TRPC4AP: variants seen among roughly 807,000 people sequenced by gnomAD.
TRPC4AP encodes the protein transient receptor potential cation channel subfamily C member 4 associated protein, also known as short transient receptor potential channel 4-associated protein.
In TRPC4AP, 45 loss-of-function variants were observed where a neutral mutation model predicts 99.0. The observed-to-expected ratio is 0.45, with a 90% CI of 0.36 to 0.58. TRPC4AP has a LOEUF of 0.58. Among genes scored for constraint, TRPC4AP ranks in the 20% least tolerant of loss-of-function variants. The pLI is 0.00. For synonymous variants in TRPC4AP, 408 were observed against 385.8 expected (o/e 1.06, Z -0.67); for missense variants, 879 against 985.3 (o/e 0.89, Z 1.44).
intron 3 of TRPC4AP, among the ~76,000 whole-genome samples, chr20:35,059,058 C>T (rs2083912454): frequency 6.6e-6 from 1 of 151,860 alleles, no homozygotes; most frequent in African/African-American, 2.4e-5. Flanking sequence ...CAGACTAAAC[C>T]CAAAGCAAGC....
chr20:35,088,703 G>A (rs2084955329), intron 1 of TRPC4AP, among the ~76,000 whole-genome samples: 1 of 152,064 alleles, frequency 6.6e-6, no homozygotes, highest in South Asian at 2.1e-4. Context: ...ACTTAATCTT[G>A]GTCACCCTGC....
chr20:35,082,723 A>G (rs1262900218), intron 1 of TRPC4AP, among the ~76,000 whole-genome samples: 1 of 152,264 alleles, frequency 6.6e-6, no homozygotes, highest in Non-Finnish European at 1.5e-5. Context: ...TAATATTTGA[A>G]AATTTTATTC....
intron 9 of TRPC4AP, among the ~76,000 whole-genome samples, chr20:35,018,781 G>A (rs2082816620): frequency 6.6e-6 from 1 of 152,150 alleles, no homozygotes; most frequent in South Asian, 2.1e-4. Flanking sequence ...CTCTACCAGA[G>A]GAGGCAGCGG....
At chr20:35,081,975 AC>A (rs989994692) in intron 1 of TRPC4AP, among the ~76,000 whole-genome samples, 5 of 152,200 alleles carry the variant, frequency 3.3e-5, no homozygotes, top group Admixed American at 2.6e-4. Flanking sequence ...ACAGAGTGAG[AC>A]TCTGTCTCAA....
intron 3 of TRPC4AP, among the ~76,000 whole-genome samples, chr20:35,064,476 A>G (rs2084088807): frequency 6.6e-6 from 1 of 152,252 alleles, no homozygotes; most frequent in African/African-American, 2.4e-5. Flanking sequence ...ATGTGACACT[A>G]TAATTCAACA....
rs182368320 is a variant in TRPC4AP, at chr20:35,088,760, T to C, written c.168+3854A>G. On this transcript the variant is annotated intron_variant, in intron 1 of 18. Transcript: ENST00000252015. ...CTTACTTTAAAATCTGATTTTTTTT[T>C]CCAAGGAAATTCCATCACATGCTAT... is the stretch of plus-strand genomic sequence containing the variant. 4.4e-4 allele frequency among the ~76,000 whole-genome samples: 67 copies of C among 152,284 alleles called. 1 individual carries two copies. Among genetic ancestry groups the C allele is most frequent in the South Asian group, 3.1e-3 (15 of 4,822 alleles).
intron 1 of TRPC4AP, among the ~76,000 whole-genome samples, chr20:35,089,565 T>C (rs991664897): frequency 6.6e-6 from 1 of 151,618 alleles, no homozygotes; most frequent in African/African-American, 2.4e-5. Context: ...AATGAAAAAA[T>C]TTTGGCTAGG....
At chr20:35,016,221 A>G (rs371091315) in intron 9 of TRPC4AP, 82 bp from the exon 10 acceptor site, 13 of 1,526,452 alleles carry the variant, frequency 8.5e-6, no homozygotes, top group East Asian at 2.3e-5. Flanking sequence ...TACACACGAT[A>G]ATGATATTCA....
At chr20:35,013,955 G>A (rs1173314577) in intron 10 of TRPC4AP, among the ~76,000 whole-genome samples, 1 of 152,182 alleles carries the variant, frequency 6.6e-6, no homozygotes, top group African/African-American at 2.4e-5. Context: ...TGGGGCAGTA[G>A]GGCCAAGACA....
At chr20:35,006,362 C>T in intron 15 of TRPC4AP, 73 bp downstream of exon 15, 1 of 1,570,644 alleles carries the variant, frequency 6.4e-7, no homozygotes. Flanking sequence ...GTGCCTAAAG[C>T]CTGGCAGACC....
chr20:35,004,546 C>T lies in TRPC4AP; in HGVS notation c.1961G>A (p.Arg654His), dbSNP rs747346702. ...CACCTGGGATATGTAGGCGAGCAGG[C>T]GGCATTCAGACAGTACCTCGGCAAC... Reference protein sequence around the residue: ...MKVAEVLSECRLLAYISQVPT... With the variant: ...MKVAEVLSECHLLAYISQVPT... The change falls in exon 17 of 19, where the codon CGC becomes CAC. Residue 654 changes from arginine (R) to histidine (H), a missense_variant. Physicochemically the swap from Arg to His is conservative, Grantham distance 29. Transcript: ENST00000252015. 11 of 1,613,802 alleles carry T rather than the reference C, an allele frequency of 6.8e-6. No homozygotes were observed. Among genetic ancestry groups the T allele is most frequent in the African/African-American group, 2.7e-5 (2 of 74,924 alleles).
intron 7 of TRPC4AP, among the ~76,000 whole-genome samples, chr20:35,036,674 C>T (rs554066968): frequency 3.9e-5 from 6 of 152,222 alleles, no homozygotes; most frequent in Non-Finnish European, 7.4e-5. Context: ...TGGCCAGGCA[C>T]GGTGGCTCAT....
chr20:35,048,210 C>CTTTTTTTTTTTTTTTT (rs1487171166), intron 6 of TRPC4AP, among the ~76,000 whole-genome samples: 1 of 91,442 alleles, frequency 1.1e-5, no homozygotes, highest in Non-Finnish European at 2.1e-5. Flanking sequence ...TGTAAGAATT[C>CTTTTTTTTTTTTTTTT]TGTTTTTTTT....
intron 3 of TRPC4AP, among the ~76,000 whole-genome samples, chr20:35,063,426 G>T (rs1442984544): frequency 6.6e-6 from 1 of 152,176 alleles, no homozygotes; most frequent in African/African-American, 2.4e-5. Context: ...TGCCAGAGCT[G>T]GGGAGAAGGG....
intron 2 of TRPC4AP, among the ~76,000 whole-genome samples, chr20:35,072,196 G>C (rs2084336750): frequency 1.3e-5 from 2 of 152,054 alleles, no homozygotes; most frequent in South Asian, 4.1e-4. Flanking sequence ...TTGTCAGATG[G>C]GTAGATTGCA....
intron 7 of TRPC4AP, among the ~76,000 whole-genome samples, chr20:35,039,592 C>T (rs1043569962): frequency 1.3e-5 from 2 of 152,182 alleles, no homozygotes; most frequent in East Asian, 1.9e-4. Context: ...ACTGTTGAAA[C>T]ATCAGTATTC....
intron 2 of TRPC4AP, among the ~76,000 whole-genome samples, chr20:35,072,286 T>G (rs1401724577): frequency 6.6e-6 from 1 of 152,234 alleles, no homozygotes. Context: ...TTTAGTTTAA[T>G]TAGATCCCAT....
chr20:35,003,542 G>A lies in TRPC4AP; in HGVS notation c.2124C>T (p.Tyr708=), dbSNP rs1319898843. 7 of 1,613,792 alleles carry A rather than the reference G, an allele frequency of 4.3e-6. No individual in the cohort carries two copies. Among genetic ancestry groups the A allele is most frequent in the African/African-American group, 1.3e-5 (1 of 74,926 alleles). ...LARRKERLPL[Y]LRLLQRMEHS... ...GCTCCATCCGCTGCAGCAGCCGCAG[G>A]TACAGGGGCAGCCGCTCTTTCCGTC... is the stretch of plus-strand genomic sequence containing the variant. The change falls in exon 18 of 19, where the codon TAC becomes TAT. Residue 708 remains tyrosine (Y), a synonymous_variant. Coordinates refer to ENST00000252015, the MANE Select transcript of TRPC4AP (RefSeq NM_015638.3).
At chr20:35,052,417 A>G (rs2083727667) in intron 5 of TRPC4AP, among the ~76,000 whole-genome samples, 1 of 152,202 alleles carries the variant, frequency 6.6e-6, no homozygotes, top group African/African-American at 2.4e-5. Flanking sequence ...TTGACCTAGT[A>G]TCTGTCAAGT....
Sources: gnomAD v4.1 joint callset for allele counts (sites outside exome capture counted in the v4.1 genomes callset) on GRCh38, gnomAD v4.1.1 for gene constraint, MANE v1.5 for transcripts, NCBI Gene and HGNC (gene_info 2026-07-23, HGNC 2026-07-21) for gene names.